SPAG16: variants seen among roughly 807,000 people sequenced by gnomAD.
The protein encoded by SPAG16 is sperm-associated antigen 16 protein.
SPAG16 carries 86 observed loss-of-function variants against 80.4 expected under a neutral mutation model. The ratio of observed to expected loss-of-function variants is 1.07; its 90% CI spans 0.90 to 1.28. The LOEUF (loss-of-function observed/expected upper bound fraction) is 1.28. Among genes scored for constraint, SPAG16 ranks in the 50% most tolerant of loss-of-function variants. SPAG16 has a pLI of 0.00. For synonymous variants in SPAG16, 294 were observed against 265.9 expected (o/e 1.11, Z -1.03); for missense variants, 870 against 765.3 (o/e 1.14, Z -1.61).
At chr2:213,919,863 C>A (rs545034879) in intron 11 of SPAG16, among the ~76,000 whole-genome samples, 62 of 152,222 alleles carry the variant, frequency 4.1e-4, no homozygotes, top group African/African-American at 1.5e-3. Flanking sequence ...TTTTCTGACT[C>A]AATGATCTAA....
chr2:213,813,569 CA>C (rs1485727810), intron 10 of SPAG16, among the ~76,000 whole-genome samples: 1 of 152,128 alleles, frequency 6.6e-6, no homozygotes, highest in Non-Finnish European at 1.5e-5. Context: ...TGCCCTGGTC[CA>C]GGGGAAAGGT....
intron 15 of SPAG16, among the ~76,000 whole-genome samples, chr2:214,191,306 G>A (rs1162651213): frequency 1.3e-5 from 2 of 152,138 alleles, no homozygotes; most frequent in Admixed American, 1.3e-4. Flanking sequence ...TGGGAGCTAT[G>A]CATTTTCAAA....
chr2:214,305,716 G>T (rs1576733523), intron 15 of SPAG16, among the ~76,000 whole-genome samples: 1 of 152,014 alleles, frequency 6.6e-6, no homozygotes, highest in Non-Finnish European at 1.5e-5. Flanking sequence ...TCTTGATTCT[G>T]TTCCACTGCT....
chr2:214,156,480 AAAG>A (rs1470369854), intron 15 of SPAG16, among the ~76,000 whole-genome samples: 1 of 152,158 alleles, frequency 6.6e-6, no homozygotes. Flanking sequence ...TGAAATAGGA[AAAG>A]AAGAAAGTGG....
At chr2:213,956,434 C>T (rs917400232) in intron 12 of SPAG16, among the ~76,000 whole-genome samples, 32 of 144,860 alleles carry the variant, frequency 2.2e-4, no homozygotes, top group Non-Finnish European at 3.9e-4. Context: ...AGACTTTACT[C>T]CATTTTTTTT....
chr2:213,644,809 A>C (rs1240146967), intron 10 of SPAG16, among the ~76,000 whole-genome samples: 4 of 152,200 alleles, frequency 2.6e-5, no homozygotes, highest in Non-Finnish European at 5.9e-5. Context: ...AGACCTAAAG[A>C]CAGCACAGTG....
intron 10 of SPAG16, among the ~76,000 whole-genome samples, chr2:213,740,011 G>T (rs896175694): frequency 6.6e-6 from 1 of 152,086 alleles, no homozygotes; most frequent in Non-Finnish European, 1.5e-5. Context: ...ACAATACTAT[G>T]AATTCTTTTG....
chr2:214,069,570 A>G (rs1300285621), intron 13 of SPAG16, among the ~76,000 whole-genome samples: 1 of 152,108 alleles, frequency 6.6e-6, no homozygotes, highest in East Asian at 1.9e-4. Context: ...TTCCCATCCA[A>G]TTCTATCCCT....
At chr2:213,948,384 C>T (rs1048089128) in intron 12 of SPAG16, among the ~76,000 whole-genome samples, 2 of 152,134 alleles carry the variant, frequency 1.3e-5, no homozygotes, top group African/African-American at 2.4e-5. Flanking sequence ...AATTTGACTT[C>T]TCCTCATGAA....
rs557468268 is a variant in SPAG16 at position 214,167,661 on chromosome 2, C to T, written c.1720+18395C>T. Among the ~76,000 whole-genome samples the T allele has an allele frequency of 1.3e-4, 19 of 151,976 alleles. No individual in the cohort carries two copies. The South Asian group carries it at 2.1e-3, about 17-fold the overall frequency. ...TGTTATTCTAAATGTCTTATAATTA[C>T]TGCAGTCATTTTTGAAAAGAATATG... is the stretch of plus-strand genomic sequence containing the variant. On this transcript the variant is annotated intron_variant, in intron 15 of 15. Transcript: ENST00000331683.
chr2:214,133,007 A>G (rs1308919952), intron 14 of SPAG16, among the ~76,000 whole-genome samples: 2 of 151,986 alleles, frequency 1.3e-5, no homozygotes, highest in Non-Finnish European at 2.9e-5. Context: ...CAGGAGAATC[A>G]CTTGAACCTG....
intron 13 of SPAG16, among the ~76,000 whole-genome samples, chr2:214,064,621 T>A (rs2050445062): frequency 6.6e-6 from 1 of 152,126 alleles, no homozygotes; most frequent in African/African-American, 2.4e-5. Context: ...AATTGTAAGT[T>A]GACCCACTAA....
chr2:213,319,483 A>C (rs1226050609), intron 5 of SPAG16, among the ~76,000 whole-genome samples: 1 of 152,000 alleles, frequency 6.6e-6, no homozygotes. Flanking sequence ...ATTCAGAAGA[A>C]TATATTACTA....
chr2:214,257,802 T>C (rs1457360443), intron 15 of SPAG16, among the ~76,000 whole-genome samples: 2 of 152,216 alleles, frequency 1.3e-5, no homozygotes, highest in East Asian at 3.9e-4. Flanking sequence ...AAATGTTGTA[T>C]TAATGGTATT....
At chr2:213,436,568 T>C (rs923079071) in intron 9 of SPAG16, among the ~76,000 whole-genome samples, 1 of 152,200 alleles carries the variant, frequency 6.6e-6, no homozygotes, top group Non-Finnish European at 1.5e-5. Flanking sequence ...ATGAGTTTAT[T>C]TGAGGGTTGG....
At chr2:214,209,781 A>G (rs2058241176) in intron 15 of SPAG16, among the ~76,000 whole-genome samples, 1 of 152,152 alleles carries the variant, frequency 6.6e-6, no homozygotes, top group African/African-American at 2.4e-5. Context: ...AATTAAGCCT[A>G]TTTAACCTGC....
chr2:213,776,896 A>C (rs748516264), intron 10 of SPAG16, among the ~76,000 whole-genome samples: 5 of 146,450 alleles, frequency 3.4e-5, no homozygotes, highest in Non-Finnish European at 7.4e-5. Flanking sequence ...TAAGATTAAC[A>C]TAATTTTAGC....
chr2:213,557,299 A>G (rs1195535357), intron 10 of SPAG16, among the ~76,000 whole-genome samples: 1 of 152,170 alleles, frequency 6.6e-6, no homozygotes, highest in Non-Finnish European at 1.5e-5. Flanking sequence ...GCACATACAC[A>G]TGCACAACAT....
At chr2:214,186,183 A>G (rs1209206423) in intron 15 of SPAG16, among the ~76,000 whole-genome samples, 3 of 152,146 alleles carry the variant, frequency 2.0e-5, no homozygotes, top group Non-Finnish European at 4.4e-5. Context: ...CCTTCACCCT[A>G]CCACATTGTC....
Sources: gnomAD v4.1 joint callset for allele counts (sites outside exome capture counted in the v4.1 genomes callset) on GRCh38, gnomAD v4.1.1 for gene constraint, MANE v1.5 for transcripts, NCBI Gene and HGNC (gene_info 2026-07-23, HGNC 2026-07-21) for gene names.